The following CES5A variants were observed in gnomAD, a reference collection of about 807,000 sequenced individuals.
CES5A encodes the protein carboxylesterase 5A, also known as carboxylesterase 5.
In CES5A, 67 loss-of-function variants were observed where a neutral mutation model predicts 62.9. The ratio of observed to expected loss-of-function variants is 1.07; its 90% confidence interval spans 0.88 to 1.31. CES5A has a LOEUF of 1.31. Ranked by LOEUF, CES5A falls within the 50% of genes most tolerant of loss-of-function variation. The pLI is 0.00. For synonymous variants in CES5A, 296 were observed against 280.8 expected, an observed-to-expected ratio of 1.05 and a Z score of -0.54; for missense variants, 748 against 708.5, an observed-to-expected ratio of 1.06 and a Z score of -0.63.
intron 2 of CES5A, among the ~76,000 whole-genome samples, chr16:55,931,034 C>A (rs2034305833): frequency 6.6e-6 from 1 of 152,168 alleles, no homozygotes; most frequent in Admixed American, 6.5e-5. Flanking sequence ...AGCCCAAAAC[C>A]CCATTTTCCA....
At chr16:55,949,883 C>A in exon 2 of CES5A, 1 of 1,510,070 alleles carries the variant, frequency 6.6e-7, no homozygotes, top group Non-Finnish European at 8.8e-7. Context: ...TCTCCACATT[C>A]CCCTTCTTAT....
chr16:55,929,685 G>A (rs1458450601), upstream of CES5A, among the ~76,000 whole-genome samples: 1 of 152,194 alleles, frequency 6.6e-6, no homozygotes, highest in African/African-American at 2.4e-5. Flanking sequence ...AAATTTACAT[G>A]AAGACAGCAT....
rs1405692219 is a variant in CES5A at position 55,846,830 on chromosome 16, C to T, written c.1434G>A (p.Thr478=). The T allele has an allele frequency of 4.3e-6, 7 of 1,613,938 alleles. No individual in the cohort carries two copies. The African/African-American group carries it at 8.0e-5, about 18-fold the overall frequency. The change falls in exon 12 of 13, where the codon ACG becomes ACA. Residue 478 remains threonine, a synonymous_variant. Coordinates refer to ENST00000290567, the MANE Select transcript of CES5A (RefSeq NM_001143685.2). ...KGDIVMFEGA[T]EEEKLLSRKM... ...TCCGGCTCAGTAACTTCTCCTCCTC[C>T]GTGGCTCCTTCTGAAGGAGATAATC...
chr16:55,851,775 T>A (rs2033137741), intron 10 of CES5A, among the ~76,000 whole-genome samples: 1 of 152,096 alleles, frequency 6.6e-6, no homozygotes, highest in African/African-American at 2.4e-5. Flanking sequence ...AGCTGAATGG[T>A]GGAAACAACG....
intron 2 of CES5A, among the ~76,000 whole-genome samples, chr16:55,938,781 T>TATATATATATACAC (rs2034411398): frequency 8.6e-5 from 8 of 93,126 alleles, no homozygotes; most frequent in African/African-American, 4.5e-4. Flanking sequence ...TATATATATA[T>TATATATATATACAC]ATATATATAT....
intron 1 of CES5A, among the ~76,000 whole-genome samples, chr16:55,953,573 C>T (rs1449221107): frequency 6.6e-6 from 1 of 151,850 alleles, no homozygotes; most frequent in East Asian, 1.9e-4. Flanking sequence ...TGAAAAATAC[C>T]TCAGGCAAAT....
chr16:55,855,367 G>A (rs573777186), intron 9 of CES5A, among the ~76,000 whole-genome samples: 1 of 152,368 alleles, frequency 6.6e-6, no homozygotes, highest in Non-Finnish European at 1.5e-5. Context: ...ATATCCTAGT[G>A]TCTAGAGTAA....
rs75930265 is a variant in CES5A at position 55,849,307 on chromosome 16, A to T, written c.1423+317T>A. ...ATTTCTGGGAAGGGGAGGGAGGGTA[A>T]GACCAGTGGTCAAAGAAAAGGAAGA... On this transcript the variant is annotated intron_variant, in intron 11 of 12. Transcript: ENST00000290567. Among the ~76,000 whole-genome samples the T allele has an allele frequency of 7.2e-3, 1,095 of 152,082 alleles. 14 individuals are homozygous for T. Among genetic ancestry groups the T allele is most frequent in the African/African-American group, 0.025 (1,037 of 41,474 alleles).
intron 2 of CES5A, among the ~76,000 whole-genome samples, chr16:55,938,523 G>A (rs934834373): frequency 1.3e-5 from 2 of 151,350 alleles, no homozygotes; most frequent in Non-Finnish European, 2.9e-5. Context: ...GGATCACAAG[G>A]TCAGGAGATC....
rs758446998 is a variant in CES5A, at chr16:55,934,657, G to GGTGTGT, written c.160+15122_160+15127dup. On this transcript the variant is annotated intron_variant, in intron 2 of 13. Transcript: ENST00000521992. Reference sequence around the variant, plus strand: ...CAATAGAAACCAAGAAATTGTGTGGGGTGTGTGTGTGTGTGTGTGTGCGCG... The same window carrying GGTGTGT: ...CAATAGAAACCAAGAAATTGTGTGGGGTGTGTGTGTGTGTGTGTGTGTGTGTGCGCG... Among the ~76,000 whole-genome samples, 208 of 135,604 alleles carry GGTGTGT rather than the reference G, an allele frequency of 1.5e-3. 1 individual carries two copies. The highest frequency in any genetic ancestry group is 5.1e-3 in the African/African-American group (176 of 34,820). 89.0% of individuals were successfully genotyped at this position (135,604 alleles called of 152,430 possible). A position where few individuals can be genotyped will look rare whatever the true frequency, so the allele number is the denominator to read the frequency against.
intron 1 of CES5A, among the ~76,000 whole-genome samples, chr16:55,906,475 T>C (rs1322842902): frequency 6.6e-6 from 1 of 152,230 alleles, no homozygotes; most frequent in South Asian, 2.1e-4. Flanking sequence ...GAATCCTTGC[T>C]CTGCACCAGA....
At chr16:55,930,506 G>A (rs1034550327) in intron 2 of CES5A, among the ~76,000 whole-genome samples, 9 of 152,144 alleles carry the variant, frequency 5.9e-5, no homozygotes, top group Admixed American at 5.9e-4. Flanking sequence ...TTTGGTTCTG[G>A]TTTTTGCACC....
At chr16:55,862,706 T>C (rs2033377798) in intron 6 of CES5A, among the ~76,000 whole-genome samples, 2 of 152,250 alleles carry the variant, frequency 1.3e-5, no homozygotes, top group African/African-American at 4.8e-5. Flanking sequence ...ACTCAAGAGA[T>C]GGCTGCACAG....
At chr16:55,870,634 G>T (rs140002094) in intron 3 of CES5A, among the ~76,000 whole-genome samples, 1 of 152,104 alleles carries the variant, frequency 6.6e-6, no homozygotes, top group African/African-American at 2.4e-5. Context: ...GATGGCAAAG[G>T]TCGCAGTGAG....
intron 8 of CES5A, among the ~76,000 whole-genome samples, chr16:55,857,932 T>C (rs1294799699): frequency 1.3e-5 from 2 of 152,336 alleles, no homozygotes; most frequent in South Asian, 2.1e-4. Context: ...TACCAGCCCA[T>C]GCCTGTAATT....
intron 1 of CES5A, among the ~76,000 whole-genome samples, chr16:55,894,422 C>T (rs1197910564): frequency 4.8e-5 from 7 of 144,972 alleles, no homozygotes; most frequent in South Asian, 2.2e-4. Context: ...GCATGAGAAT[C>T]GCTTGAACCT....
intron 11 of CES5A, among the ~76,000 whole-genome samples, chr16:55,848,963 A>T (rs2033073888): frequency 6.6e-6 from 1 of 152,216 alleles, no homozygotes; most frequent in Non-Finnish European, 1.5e-5. Flanking sequence ...AATACACTCT[A>T]TATGGAACGT....
upstream of CES5A, among the ~76,000 whole-genome samples, chr16:55,929,981 G>A (rs1432064855): frequency 1.3e-5 from 2 of 151,738 alleles, no homozygotes; most frequent in Non-Finnish European, 2.9e-5. Flanking sequence ...CCTTGGCCCA[G>A]CAGTGGCTCC....
intron 1 of CES5A, among the ~76,000 whole-genome samples, chr16:55,911,746 G>C (rs1458993126): frequency 1.3e-5 from 2 of 152,202 alleles, no homozygotes; most frequent in East Asian, 3.9e-4. Context: ...GGAAAGGGAA[G>C]AGACTGACCC....
Sources: allele counts gnomAD v4.1 joint callset (sites outside exome capture counted in the v4.1 genomes callset), GRCh38; gene constraint gnomAD v4.1.1; transcripts MANE v1.5; gene names NCBI Gene and HGNC (gene_info 2026-07-23, HGNC 2026-07-21).